TPST2: variants seen among roughly 807,000 people sequenced by gnomAD.
TPST2 encodes tyrosylprotein sulfotransferase 2.
A neutral mutation model predicts 27.8 loss-of-function variants in TPST2; 16 were observed. The ratio of observed to expected loss-of-function variants is 0.58; its 90% CI spans 0.39 to 0.88. TPST2 has a LOEUF of 0.88. Among genes scored for constraint, TPST2 ranks in the 40% least tolerant of loss-of-function variants. The pLI, the probability that TPST2 is intolerant of heterozygous loss-of-function variation, is 0.00. For missense variants in TPST2, 464 were observed against 543.1 expected, an observed-to-expected ratio of 0.85 and a Z score of 1.45; for synonymous variants, 229 against 231.7, an observed-to-expected ratio of 0.99 and a Z score of 0.10.
intron 3 of TPST2, among the ~76,000 whole-genome samples, chr22:26,540,485 G>A (rs1164057744): frequency 2.0e-5 from 3 of 152,256 alleles, no homozygotes; most frequent in Admixed American, 1.3e-4. Context: ...TATAGTCCCA[G>A]CTACTCAGGA....
chr22:26,538,123 G>C (rs148985484), intron 3 of TPST2, among the ~76,000 whole-genome samples: 51 of 152,278 alleles, frequency 3.3e-4, no homozygotes, highest in African/African-American at 9.9e-4. Flanking sequence ...CCAGGATCAA[G>C]GGCCTAGTTC....
intron 2 of TPST2, among the ~76,000 whole-genome samples, chr22:26,542,031 C>T (rs947682202): frequency 1.3e-5 from 2 of 151,274 alleles, no homozygotes; most frequent in Non-Finnish European, 3.0e-5. Flanking sequence ...ATCATGAGGT[C>T]AGGAGATCGA....
Position 26,536,488 on chromosome 22 carries a change from T to C in TPST2, c.843-2A>G. The stretch of plus-strand genomic sequence containing the variant: ...ACCTGGTCCGTGGACCGCTCGATCC[T>C]GGGGAGAGAGGAGACGCTGGAGAGG... On this transcript the variant is annotated splice_acceptor_variant, in intron 3 of 6. Coordinates refer to ENST00000338754, the MANE Select transcript of TPST2 (RefSeq NM_003595.5). LOFTEE classifies it high-confidence loss of function. 1.3e-6 allele frequency: 2 copies of C among 1,519,366 alleles called. No homozygotes were observed. The highest frequency in any genetic ancestry group is 1.8e-6 in the Non-Finnish European group (2 of 1,134,030). 94.1% of individuals were successfully genotyped at this position (1,519,366 alleles called of 1,614,324 possible).
intron 6 of TPST2, among the ~76,000 whole-genome samples, chr22:26,527,816 T>C (rs930718904): frequency 1.3e-5 from 2 of 152,250 alleles, no homozygotes; most frequent in African/African-American, 4.8e-5. Context: ...GTGACTGTTA[T>C]TAGAACATTA....
At chr22:26,526,589 T>C (rs1444266982) in intron 6 of TPST2, among the ~76,000 whole-genome samples, 1 of 152,222 alleles carries the variant, frequency 6.6e-6, no homozygotes, top group Non-Finnish European at 1.5e-5. Flanking sequence ...AGGCCAACTC[T>C]GTACCCAGGA....
chr22:26,546,485 G>A (rs1027217059), intron 1 of TPST2, among the ~76,000 whole-genome samples: 5 of 152,240 alleles, frequency 3.3e-5, no homozygotes, highest in African/African-American at 1.2e-4. Context: ...TGAAATGCCA[G>A]CGAGCCCAAG....
At chr22:26,536,008 A>G in intron 4 of TPST2, 1 of 545,618 alleles carries the variant, frequency 1.8e-6, no homozygotes, top group Non-Finnish European at 3.5e-6. Context: ...AAAAATGTAA[A>G]TAAAATTAGA....
chr22:26,558,083 ATATTGTATAAAAAT>A (rs1926894574), intron 1 of TPST2, among the ~76,000 whole-genome samples: 3 of 147,350 alleles, frequency 2.0e-5, no homozygotes, highest in South Asian at 4.2e-4. Flanking sequence ...TTATATATAT[ATATTGTATAAAAAT>A]TATTATATAA....
intron 1 of TPST2, among the ~76,000 whole-genome samples, chr22:26,565,052 A>C (rs1201550434): frequency 1.3e-5 from 2 of 152,164 alleles, no homozygotes; most frequent in Admixed American, 6.6e-5. Flanking sequence ...CACCCAGCCC[A>C]GGAAGACCTG....
chr22:26,540,697 C>CA, intron 3 of TPST2, 92 bp downstream of exon 3: 1 of 1,281,600 alleles, frequency 7.8e-7, no homozygotes. Flanking sequence ...CCCAAGGCCA[C>CA]ACAGCTCAAG....
In TPST2 at chr22:26,545,418, G is replaced by C. The variant is rs138642995; in HGVS notation, c.-160-743C>G. ...CTGTGTCCACGATGAGTCCTGGCAT[G>C]TAGCCAGAACCAGGCCAAAGTGGAA... On this transcript the variant is annotated intron_variant, in intron 1 of 6. Transcript: ENST00000338754. Among the ~76,000 whole-genome samples, 179 of 152,346 alleles carry C rather than the reference G, an allele frequency of 1.2e-3. 1 individual carries two copies. The highest frequency in any genetic ancestry group is 4.1e-3 in the African/African-American group (169 of 41,584).
At chr22:26,570,879 A>T (rs1219351869) in intron 1 of TPST2, among the ~76,000 whole-genome samples, 1 of 152,108 alleles carries the variant, frequency 6.6e-6, no homozygotes, top group African/African-American at 2.4e-5. Flanking sequence ...TCACCTTTAA[A>T]ACAGAGCCAG....
At chr22:26,562,605 T>C (rs993531656) in intron 1 of TPST2, among the ~76,000 whole-genome samples, 3 of 139,866 alleles carry the variant, frequency 2.1e-5, no homozygotes, top group African/African-American at 7.7e-5. Context: ...CCATCTACAC[T>C]TGCTTTTTCT....
intron 1 of TPST2, chr22:26,550,680 C>T (rs1468627890): frequency 1.0e-6 from 1 of 985,440 alleles, no homozygotes; most frequent in East Asian, 1.1e-4. Flanking sequence ...CAGCTCCCAA[C>T]ATTCCATTGC....
intron 1 of TPST2, among the ~76,000 whole-genome samples, chr22:26,571,796 C>G (rs1927637200): frequency 6.6e-6 from 1 of 152,144 alleles, no homozygotes; most frequent in Non-Finnish European, 1.5e-5. Flanking sequence ...AGATCATGAA[C>G]CTCTTCCTCC....
intron 1 of TPST2, among the ~76,000 whole-genome samples, chr22:26,556,898 T>C (rs1451601690): frequency 6.6e-6 from 1 of 152,180 alleles, no homozygotes; most frequent in Non-Finnish European, 1.5e-5. Context: ...TTGTGGAGCA[T>C]GGTTTGCATG....
Position 26,525,170 on chromosome 22 carries a change from G to C in TPST2, c.*1105C>G. On this transcript the variant is annotated 3_prime_UTR_variant, in exon 7 of 7. Coordinates refer to ENST00000338754, the MANE Select transcript of TPST2 (RefSeq NM_003595.5). ...AAGTGTGTCTGTAAGACTCTACCAG[G>C]AGATGACAACTGGAAGCTTGAGGCC... 1 of 152,212 alleles carries C rather than the reference G, an allele frequency of 6.6e-6. No homozygotes were observed. 9.4% of individuals were successfully genotyped at this position (152,212 alleles called of 1,614,324 possible). A position where few individuals can be genotyped will look rare whatever the true frequency, so the allele number is the denominator to read the frequency against.
Position 26,525,581 on chromosome 22 carries a change from C to T in TPST2, c.*694G>A, listed in dbSNP as rs977331289. The T allele has an allele frequency of 6.6e-6, 1 of 152,236 alleles. No individual in the cohort carries two copies. The highest frequency in any genetic ancestry group is 2.4e-5 in the African/African-American group (1 of 41,448). The allele number at this position is 152,236 out of a possible 1,614,324, so 9.4% of individuals were successfully genotyped here. On this transcript the variant is annotated 3_prime_UTR_variant, in exon 7 of 7. Transcript: ENST00000338754. Reference sequence around the variant, plus strand: ...CATAACCATAAGGATAATAGCTCTTCTGAATTCTGAGTTCTTCTAGCCAAT... The same window carrying T: ...CATAACCATAAGGATAATAGCTCTTTTGAATTCTGAGTTCTTCTAGCCAAT...
At chr22:26,569,793 A>C (rs1020010510) in intron 1 of TPST2, among the ~76,000 whole-genome samples, 3 of 151,854 alleles carry the variant, frequency 2.0e-5, no homozygotes, top group Non-Finnish European at 2.9e-5. Context: ...CTACTAAAAA[A>C]TACAAAAATT....
Sources: gnomAD v4.1 joint callset for allele counts (sites outside exome capture counted in the v4.1 genomes callset) on GRCh38, gnomAD v4.1.1 for gene constraint, MANE v1.5 for transcripts, NCBI Gene and HGNC (gene_info 2026-07-23, HGNC 2026-07-21) for gene names.